RNGTT: variants seen among roughly 807,000 people sequenced by gnomAD.
RNGTT encodes the protein RNA guanylyltransferase and 5'-phosphatase.
Under a neutral mutation model 79.3 loss-of-function variants are expected in RNGTT, and 33 were observed. That is an observed-to-expected ratio of 0.42 (90% CI 0.32 to 0.56). The LOEUF (loss-of-function observed/expected upper bound fraction) is 0.56, where lower values mean the gene tolerates loss of function less well. RNGTT is among the 20% of genes least tolerant of loss of function. RNGTT has a pLI of 0.17. For missense variants in RNGTT, 497 were observed against 739.1 expected (o/e 0.67, Z 3.80); for synonymous variants, 222 against 235.9 (o/e 0.94, Z 0.54).
rs1196708594 is a variant in RNGTT, at chr6:88,828,938, A to G, written c.1269+15419T>C. On this transcript the variant is annotated intron_variant, in intron 11 of 15. Transcript: ENST00000369485. The stretch of plus-strand genomic sequence containing the variant: ...TGGTGTACCTGAAAGTGACAGGGAG[A>G]ATGGAACCAAGATGGAAACCCTCTT... 2.6e-5 allele frequency among the ~76,000 whole-genome samples: 4 copies of G among 152,162 alleles called. No individual in the cohort carries two copies. In the East Asian group the frequency reaches 5.8e-4, roughly 22 times the overall value.
chr6:88,674,928 C>A (rs1441759346), intron 14 of RNGTT, among the ~76,000 whole-genome samples: 2 of 151,974 alleles, frequency 1.3e-5, no homozygotes, highest in African/African-American at 4.8e-5. Context: ...GAAACCACAG[C>A]TCTACTAAAA....
At chr6:88,841,245 G>A (rs192392569) in intron 11 of RNGTT, among the ~76,000 whole-genome samples, 30 of 152,162 alleles carry the variant, frequency 2.0e-4, no homozygotes, top group Non-Finnish European at 2.6e-4. Flanking sequence ...AGATCATAGC[G>A]GCAGAGGTCA....
At chr6:88,831,863 C>T (rs970272302) in intron 11 of RNGTT, among the ~76,000 whole-genome samples, 4 of 152,142 alleles carry the variant, frequency 2.6e-5, no homozygotes, top group African/African-American at 9.7e-5. Context: ...AATAAAATAC[C>T]TAGGAATACA....
At chr6:88,871,337 C>T (rs1414159888) in intron 8 of RNGTT, among the ~76,000 whole-genome samples, 2 of 151,612 alleles carry the variant, frequency 1.3e-5, no homozygotes, top group East Asian at 3.9e-4. Context: ...CAAGACACTA[C>T]TGAAATAATA....
chr6:88,785,133 T>A (rs1272218690), intron 12 of RNGTT, among the ~76,000 whole-genome samples: 1 of 152,150 alleles, frequency 6.6e-6, no homozygotes, highest in African/African-American at 2.4e-5. Flanking sequence ...AAAAGAACTA[T>A]CCCTAATTCA....
chr6:88,669,958 T>C (rs938891571), intron 14 of RNGTT, among the ~76,000 whole-genome samples: 1 of 152,230 alleles, frequency 6.6e-6, no homozygotes, highest in Non-Finnish European at 1.5e-5. Context: ...AACTGGATTA[T>C]ATGGTTCCAA....
intron 14 of RNGTT, among the ~76,000 whole-genome samples, chr6:88,668,736 A>T (rs888968773): frequency 6.6e-6 from 1 of 152,150 alleles, no homozygotes; most frequent in East Asian, 1.9e-4. Flanking sequence ...GGGACTCATG[A>T]AAGATACAAG....
At chr6:88,714,609 A>AT (rs1273438945) in intron 13 of RNGTT, among the ~76,000 whole-genome samples, 2 of 120,986 alleles carry the variant, frequency 1.7e-5, no homozygotes, top group Non-Finnish European at 1.6e-5. Context: ...CGCCCGGCTA[A>AT]TTTTTTGTAT....
chr6:88,714,032 T>C (rs1170674247), intron 13 of RNGTT, among the ~76,000 whole-genome samples: 1 of 152,188 alleles, frequency 6.6e-6, no homozygotes, highest in Non-Finnish European at 1.5e-5. Flanking sequence ...CCAATCTCAA[T>C]GCACTGAATG....
chr6:88,928,875 C>A, intron 4 of RNGTT, 110 bp downstream of exon 4: 1 of 705,484 alleles, frequency 1.4e-6, no homozygotes, highest in South Asian at 1.9e-5. Context: ...ACTACTTGGT[C>A]ATTATTTAAA....
At chr6:88,961,425 G>A (rs6940124) in intron 1 of RNGTT, among the ~76,000 whole-genome samples, 4,363 of 151,680 alleles carry the variant, frequency 0.029, 200 homozygotes, top group African/African-American at 0.1. Flanking sequence ...TAAATTACAC[G>A]ATAAGTACAA....
chr6:88,750,658 T>G (rs1381154629), intron 13 of RNGTT, among the ~76,000 whole-genome samples: 1 of 152,150 alleles, frequency 6.6e-6, no homozygotes, highest in Non-Finnish European at 1.5e-5. Flanking sequence ...CCTGGCCTGA[T>G]TTATTTACTT....
In RNGTT at chr6:88,944,889, T is replaced by C. The variant is rs180965840; in HGVS notation, c.65-3709A>G. On this transcript the variant is annotated intron_variant, in intron 1 of 15. Transcript: ENST00000369485. ...TTCCTCAAAGGTAGAGAACCTGGCA[T>C]TGGGGGAAAGGGGGGCAACTGCTAT... Among the ~76,000 whole-genome samples the C allele has an allele frequency of 1.6e-3, 251 of 152,290 alleles. 2 individuals are homozygous for C. The South Asian group carries it at 0.021, about 13-fold the overall frequency.
chr6:88,959,530 TACG>T, intron 1 of RNGTT, among the ~76,000 whole-genome samples: 1 of 152,180 alleles, frequency 6.6e-6, no homozygotes, highest in East Asian at 1.9e-4. Context: ...TCATTCTAAA[TACG>T]ACATCAAGTT....
At chr6:88,748,660 T>C (rs1777744411) in intron 13 of RNGTT, among the ~76,000 whole-genome samples, 1 of 152,176 alleles carries the variant, frequency 6.6e-6, no homozygotes. Context: ...ATCAGGGATC[T>C]GATTTTGCAT....
chr6:88,763,491 T>C (rs1418841486), intron 13 of RNGTT, among the ~76,000 whole-genome samples: 1 of 152,206 alleles, frequency 6.6e-6, no homozygotes, highest in Non-Finnish European at 1.5e-5. Flanking sequence ...CAACTTACAA[T>C]CTCAACATCC....
chr6:88,684,573 G>A (rs1051979167), intron 13 of RNGTT, among the ~76,000 whole-genome samples: 3 of 152,090 alleles, frequency 2.0e-5, no homozygotes, highest in Admixed American at 1.3e-4. Flanking sequence ...ATCAAGCCAC[G>A]AAAAGACACA....
chr6:88,863,329 C>A (rs1470474238), intron 8 of RNGTT, among the ~76,000 whole-genome samples: 3 of 152,096 alleles, frequency 2.0e-5, no homozygotes, highest in Non-Finnish European at 2.9e-5. Context: ...TGGCTTCTAC[C>A]ACAAATTTTT....
intron 13 of RNGTT, among the ~76,000 whole-genome samples, chr6:88,747,589 G>A (rs1777704055): frequency 6.6e-6 from 1 of 152,166 alleles, no homozygotes; most frequent in African/African-American, 2.4e-5. Flanking sequence ...ATAAAAGCCT[G>A]TATCCCCGTG....
Sources: gnomAD v4.1 joint callset for allele counts (sites outside exome capture counted in the v4.1 genomes callset) on GRCh38, gnomAD v4.1.1 for gene constraint, MANE v1.5 for transcripts, NCBI Gene and HGNC (gene_info 2026-07-23, HGNC 2026-07-21) for gene names.